Variants in ADH6 observed in about 807,000 individuals in gnomAD.
ADH6 encodes the protein alcohol dehydrogenase 6 (class V).
A neutral mutation model predicts 36.5 loss-of-function variants in ADH6; 34 were observed. The ratio of observed to expected loss-of-function variants is 0.93; its 90% confidence interval spans 0.71 to 1.24. The LOEUF is 1.24. Ranked by LOEUF, ADH6 falls within the 50% of genes most tolerant of loss-of-function variation. The pLI is 0.00. For synonymous variants in ADH6, 161 were observed against 155.5 expected, an observed-to-expected ratio of 1.04 and a Z score of -0.26; for missense variants, 440 against 447.0, an observed-to-expected ratio of 0.98 and a Z score of 0.14.
intron 1 of ADH6, 129 bp from the exon 2 acceptor site, chr4:99,216,391 GAAT>G (rs1372224860): frequency 2.2e-6 from 1 of 450,558 alleles, no homozygotes; most frequent in African/African-American, 2.0e-5. Flanking sequence ...AAAAAAAAAA[GAAT>G]AAATATATGC....
rs1237908867 is a variant in ADH6 at position 99,210,511 on chromosome 4, G to A, written c.263-9C>T. On this transcript the variant is annotated splice_polypyrimidine_tract_variant and intron_variant, in intron 3 of 8. Transcript: ENST00000394899. ...TGTGATAACTTTGTCACCTAAAAGA[G>A]CAAAATCATGTCTTATTAACATATT... is the stretch of plus-strand genomic sequence containing the variant. 2 of 1,582,474 alleles carry A rather than the reference G, an allele frequency of 1.3e-6. No homozygotes were observed. Among genetic ancestry groups the A allele is most frequent in the Non-Finnish European group, 1.7e-6 (2 of 1,154,578 alleles).
At chr4:99,212,724 T>C (rs28891984) in intron 3 of ADH6, among the ~76,000 whole-genome samples, 7 of 151,986 alleles carry the variant, frequency 4.6e-5, no homozygotes, top group East Asian at 1.9e-4. Flanking sequence ...TATATATATA[T>C]ACACACACAT....
rs28720136 is a variant in ADH6, at chr4:99,218,020, G to T, written c.18+1115C>A. Among the ~76,000 whole-genome samples, 1,175 of 152,206 alleles carry T rather than the reference G, an allele frequency of 7.7e-3. 14 individuals are homozygous for T. The highest frequency in any genetic ancestry group is 0.027 in the African/African-American group (1,123 of 41,538). On this transcript the variant is annotated intron_variant, in intron 1 of 8. Coordinates refer to ENST00000394899, the MANE Select transcript of ADH6 (RefSeq NM_001102470.2). ...TCACTATAAATTCTCTTTCTGTGTGGTCTTATCTATTTTTGCAGATTCAAC... is the reference window on the plus strand; with the variant it reads ...TCACTATAAATTCTCTTTCTGTGTGTTCTTATCTATTTTTGCAGATTCAAC...
chr4:99,215,857 T>G (rs1026547403), intron 2 of ADH6: 4 of 169,820 alleles, frequency 2.4e-5, no homozygotes, highest in African/African-American at 9.4e-5. Flanking sequence ...CCATAAAAAT[T>G]TACAAGTACA....
intron 8 of ADH6, 46 bp from the exon 9 acceptor site, chr4:99,204,289 A>G (rs761254585): frequency 1.9e-6 from 3 of 1,590,810 alleles, no homozygotes; most frequent in Admixed American, 3.4e-5. Flanking sequence ...TTTTTAGAGC[A>G]ACATTTGTGT....
chr4:99,212,858 T>G (rs1208856961), intron 3 of ADH6, among the ~76,000 whole-genome samples: 2 of 151,934 alleles, frequency 1.3e-5, no homozygotes. Context: ...ATACTGGGTT[T>G]TGACTTTTGG....
At chr4:99,218,240 C>T (rs1309142147) in intron 1 of ADH6, among the ~76,000 whole-genome samples, 1 of 152,070 alleles carries the variant, frequency 6.6e-6, no homozygotes, top group Non-Finnish European at 1.5e-5. Flanking sequence ...CAATATATTC[C>T]TCCCTCTGCT....
At chr4:99,218,060 G>A (rs1731513968) in intron 1 of ADH6, among the ~76,000 whole-genome samples, 1 of 152,162 alleles carries the variant, frequency 6.6e-6, no homozygotes, top group Admixed American at 6.5e-5. Flanking sequence ...ACCTTTATGT[G>A]AGTAAACTAT....
chr4:99,212,057 A>G (rs1465133642), intron 3 of ADH6, among the ~76,000 whole-genome samples: 1 of 152,054 alleles, frequency 6.6e-6, no homozygotes, highest in Non-Finnish European at 1.5e-5. Context: ...GAGATAATAA[A>G]CTTGTGTTGT....
intron 3 of ADH6, among the ~76,000 whole-genome samples, chr4:99,211,311 A>G (rs1317828185): frequency 6.6e-6 from 1 of 152,148 alleles, no homozygotes; most frequent in Admixed American, 6.5e-5. Flanking sequence ...TAAAAATGCA[A>G]AGGTAAGCAT....
chr4:99,216,537 G>T (rs1731435440), intron 1 of ADH6, among the ~76,000 whole-genome samples: 1 of 152,020 alleles, frequency 6.6e-6, no homozygotes, highest in Non-Finnish European at 1.5e-5. Flanking sequence ...TACTTTTAAA[G>T]ATTTTAATTA....
In ADH6 at chr4:99,216,153, T is replaced by TC; in HGVS notation, c.120+7_120+8insG. The TC allele has an allele frequency of 3.5e-6, 5 of 1,438,764 alleles. No homozygotes were observed. Among genetic ancestry groups the TC allele is most frequent in the Non-Finnish European group, 4.6e-6 (5 of 1,083,608 alleles). 89.1% of individuals were successfully genotyped at this position (1,438,764 alleles called of 1,614,324 possible). A position where few individuals can be genotyped will look rare whatever the true frequency, so the allele number is the denominator to read the frequency against. ...TGGTGTGATTTTTTTTTTTTTTTTT[T>TC]TTTTTACCTTTATGCGAACTTCCTT... On this transcript the variant is annotated splice_region_variant and intron_variant, in intron 2 of 8. Coordinates refer to ENST00000394899, the MANE Select transcript of ADH6 (RefSeq NM_001102470.2).
At chr4:99,210,531 CAT>C (rs1731188877) in intron 3 of ADH6, 29 bp from the exon 4 acceptor site, 1 of 1,522,356 alleles carries the variant, frequency 6.6e-7, no homozygotes, top group South Asian at 1.2e-5. Context: ...GTCTTATTAA[CAT>C]ATTATTTTTT....
rs1022325065 is a variant in ADH6, at chr4:99,203,571, C to T, written c.*648G>A. On this transcript the variant is annotated 3_prime_UTR_variant, in exon 9 of 9. Coordinates refer to ENST00000394899, the MANE Select transcript of ADH6 (RefSeq NM_001102470.2). ...AGTGTGGATCCTGCTAAATGATCCA[C>T]CTCCTGTATGATGACTCCCCTCATC... is the stretch of plus-strand genomic sequence containing the variant. 5.9e-5 allele frequency: 9 copies of T among 151,932 alleles called. No homozygotes were observed. Among genetic ancestry groups the T allele is most frequent in the African/African-American group, 1.9e-4 (8 of 41,350 alleles). The allele number at this position is 151,932 out of a possible 1,614,324, so 9.4% of individuals were successfully genotyped here.
At position 99,210,124 on chromosome 4, in the gene ADH6, AC is replaced by A; in HGVS notation, c.524del (p.Cys175LeufsTer16). On this transcript the variant is annotated frameshift_variant, in exon 5 of 9. Coordinates refer to ENST00000394899, the MANE Select transcript of ADH6 (RefSeq NM_001102470.2). LOFTEE classifies it high-confidence loss of function. ...CAGCACCAAACCCAGTGGAAAAGCCACAGCTAATTAGGCATACTTTCTCTAG... is the reference window on the plus strand; with the variant it reads ...CAGCACCAAACCCAGTGGAAAAGCCAAGCTAATTAGGCATACTTTCTCTAG... ...APLEKVCLIS[C>X]GFSTGFGAAI... The A allele has an allele frequency of 6.2e-7, 1 of 1,613,814 alleles. No homozygotes were observed. The highest frequency in any genetic ancestry group is 8.5e-7 in the Non-Finnish European group (1 of 1,179,774).
rs28720164 is a variant in ADH6, at chr4:99,203,930, G to A, written c.*289C>T. The A allele has an allele frequency of 2.4e-3, 864 of 358,992 alleles. 10 individuals are homozygous for A. Among genetic ancestry groups the A allele is most frequent in the African/African-American group, 0.017 (814 of 47,158 alleles). The allele number at this position is 358,992 out of a possible 1,614,324, so 22.2% of individuals were successfully genotyped here. ...AGGTAGAGGAACTATGAAAATGGGAGCATCTTGCATTGACCTTTTATGTCT... is the reference window on the plus strand; with the variant it reads ...AGGTAGAGGAACTATGAAAATGGGAACATCTTGCATTGACCTTTTATGTCT... On this transcript the variant is annotated 3_prime_UTR_variant, in exon 9 of 9. Coordinates refer to ENST00000394899, the MANE Select transcript of ADH6 (RefSeq NM_001102470.2).
chr4:99,209,291 C>CTCTG (rs1731142597), intron 5 of ADH6, among the ~76,000 whole-genome samples: 1 of 152,022 alleles, frequency 6.6e-6, no homozygotes, highest in Non-Finnish European at 1.5e-5. Flanking sequence ...AACCATTTCT[C>CTCTG]TCTGTCTCTC....
At position 99,204,929 on chromosome 4, in the gene ADH6, T is replaced by G. The variant is rs755952710; in HGVS notation, c.1099A>C (p.Lys367Gln). The change falls in exon 8 of 9, where the codon AAA (lysine) becomes CAA (glutamine). Residue 367 changes from lysine to glutamine, a missense_variant. Coordinates refer to ENST00000394899, the MANE Select transcript of ADH6 (RefSeq NM_001102470.2). Reference protein sequence around the residue: ...NEAVELMKTGKCIRCILLL With the variant: ...NEAVELMKTGQCIRCILLL ...AAATTTATGTGGGCAGTTTACCATT[T>G]TCCAGTTTTCATTAATTCAACTGCT... 3.7e-5 allele frequency: 60 copies of G among 1,606,610 alleles called. No homozygotes were observed. The highest frequency in any genetic ancestry group is 3.1e-5 in the Non-Finnish European group (36 of 1,176,852).
In ADH6 at chr4:99,219,199, T is replaced by C. The variant is rs746043276; in HGVS notation, c.-47A>G. The stretch of plus-strand genomic sequence containing the variant: ...TGAATTTATTGAGAAAGGGAGATCC[T>C]GTAGCAACTTTCACTGTAGAAAGTA... On this transcript the variant is annotated 5_prime_UTR_variant, in exon 1 of 9. Coordinates refer to ENST00000394899, the MANE Select transcript of ADH6 (RefSeq NM_001102470.2). 4 of 1,571,654 alleles carry C rather than the reference T, an allele frequency of 2.5e-6. No homozygotes were observed. In the South Asian group the frequency reaches 3.3e-5, roughly 13 times the overall value.
Sources: gnomAD v4.1 joint callset for allele counts (sites outside exome capture counted in the v4.1 genomes callset) on GRCh38, gnomAD v4.1.1 for gene constraint, MANE v1.5 for transcripts, NCBI Gene and HGNC (gene_info 2026-07-23, HGNC 2026-07-21) for gene names.